UBE2D2: variants seen among roughly 807,000 people sequenced by gnomAD.
The protein encoded by UBE2D2 is ubiquitin-conjugating enzyme E2 D2.
Under a neutral mutation model 24.2 loss-of-function variants are expected in UBE2D2, and 2 were observed. That is an observed-to-expected ratio of 0.08 (90% CI 0.03 to 0.26). The LOEUF is 0.26. Among genes scored for constraint, UBE2D2 ranks in the 10% least tolerant of loss-of-function variants. The pLI is 1.00. For missense variants in UBE2D2, 44 were observed against 177.6 expected (o/e 0.25, Z 4.28); for synonymous variants, 58 against 56.5 (o/e 1.03, Z -0.12).
intron 2 of UBE2D2, among the ~76,000 whole-genome samples, chr5:139,608,857 G>A (rs1754252762): frequency 6.6e-6 from 1 of 152,114 alleles, no homozygotes; most frequent in South Asian, 2.1e-4. Flanking sequence ...GGCCAGGGTG[G>A]GTGGATCACC....
intron 1 of UBE2D2, among the ~76,000 whole-genome samples, chr5:139,583,534 G>C (rs555050561): frequency 6.6e-6 from 1 of 152,102 alleles, no homozygotes; most frequent in East Asian, 1.9e-4. Flanking sequence ...GGCTGAGGTG[G>C]GTGGATCACC....
intron 1 of UBE2D2, among the ~76,000 whole-genome samples, chr5:139,580,811 A>G (rs1429039998): frequency 6.6e-6 from 1 of 152,008 alleles, no homozygotes; most frequent in Non-Finnish European, 1.5e-5. Context: ...GTCTCAGCTC[A>G]CTCGGGATGC....
At chr5:139,542,746 T>A (rs1318554346) in intron 1 of UBE2D2, among the ~76,000 whole-genome samples, 1 of 152,152 alleles carries the variant, frequency 6.6e-6, no homozygotes, top group Non-Finnish European at 1.5e-5. Flanking sequence ...GGGATAAACA[T>A]AATAAATATC....
intron 2 of UBE2D2, among the ~76,000 whole-genome samples, chr5:139,610,189 G>C (rs970381563): frequency 2.6e-5 from 4 of 152,100 alleles, no homozygotes; most frequent in Non-Finnish European, 5.9e-5. Context: ...AAAATAGAGT[G>C]AATGAATGAA....
intron 1 of UBE2D2, among the ~76,000 whole-genome samples, chr5:139,564,863 T>C (rs951958472): frequency 6.6e-6 from 1 of 152,138 alleles, no homozygotes; most frequent in African/African-American, 2.4e-5. Context: ...ATAAGAAAAA[T>C]GAAGTTTATT....
chr5:139,547,028 C>G (rs1030221547), intron 1 of UBE2D2, among the ~76,000 whole-genome samples: 2 of 151,738 alleles, frequency 1.3e-5, no homozygotes, highest in Non-Finnish European at 2.9e-5. Context: ...AGGTGGCTCA[C>G]GCCTGTAATC....
At chr5:139,619,131 G>A (rs1754467830) in intron 5 of UBE2D2, among the ~76,000 whole-genome samples, 1 of 152,254 alleles carries the variant, frequency 6.6e-6, no homozygotes, top group East Asian at 1.9e-4. Flanking sequence ...CAGGCGCAGT[G>A]GCTCATGACT....
chr5:139,561,774 C>T lies in UBE2D2; in HGVS notation c.-18C>T, dbSNP rs1753104491. On this transcript the variant is annotated 5_prime_UTR_variant, in exon 1 of 7. Transcript: ENST00000398733. ...CCCCCGTCCCCGCCCCGGGGGCCGC[C>T]GCCACCCGCCTCCCACCATGGCTCT... 6.7e-7 allele frequency: 1 copy of T among 1,496,968 alleles called. No individual in the cohort carries two copies. The highest frequency in any genetic ancestry group is 8.8e-7 in the Non-Finnish European group (1 of 1,131,378). The allele number at this position is 1,496,968 out of a possible 1,614,324, so 92.7% of individuals were successfully genotyped here.
chr5:139,585,210 CTTTTT>C (rs561161810), intron 1 of UBE2D2, among the ~76,000 whole-genome samples: 3 of 137,246 alleles, frequency 2.2e-5, no homozygotes, highest in Admixed American at 1.5e-4. Context: ...GCGTGCAGGT[CTTTTT>C]TTTTTTTTTT....
At position 139,623,692 on chromosome 5, in the gene UBE2D2, T is replaced by G. The variant is rs115684605; in HGVS notation, c.398+231T>G. Reference sequence around the variant, plus strand: ...TCCTCTTGTCTACAAAAACTTTTTTTTTTGTTTGTTTTTTTTTGAGACAGG... The same window carrying G: ...TCCTCTTGTCTACAAAAACTTTTTTGTTTGTTTGTTTTTTTTTGAGACAGG... On this transcript the variant is annotated intron_variant, in intron 6 of 6. Transcript: ENST00000398733. 2,594 of 375,882 alleles carry G rather than the reference T, an allele frequency of 6.9e-3. 62 individuals carry two copies. The highest frequency in any genetic ancestry group is 0.047 in the African/African-American group (2,267 of 48,690). The allele number at this position is 375,882 out of a possible 1,614,324, so 23.3% of individuals were successfully genotyped here.
chr5:139,627,173 G>A lies in UBE2D2; in HGVS notation c.*372G>A. On this transcript the variant is annotated 3_prime_UTR_variant, in exon 7 of 7. Coordinates refer to ENST00000398733, the MANE Select transcript of UBE2D2 (RefSeq NM_003339.3). Reference sequence around the variant, plus strand: ...AAAGAAAAGGCTCCACTCACCTATAGGAGATTATTTTTAAGTGGAATCCAT... The same window carrying A: ...AAAGAAAAGGCTCCACTCACCTATAAGAGATTATTTTTAAGTGGAATCCAT... The A allele has an allele frequency of 5.9e-6, 1 of 168,700 alleles. No homozygotes were observed. The highest frequency in any genetic ancestry group is 1.6e-4 in the South Asian group (1 of 6,240). The allele number at this position is 168,700 out of a possible 1,614,324, so 10.5% of individuals were successfully genotyped here. A position where few individuals can be genotyped will look rare whatever the true frequency, so the allele number is the denominator to read the frequency against.
intron 2 of UBE2D2, among the ~76,000 whole-genome samples, chr5:139,600,848 G>T (rs12518658): frequency 6.6e-6 from 1 of 152,186 alleles, no homozygotes; most frequent in Non-Finnish European, 1.5e-5. Flanking sequence ...TCAAGCCCGG[G>T]CTGGAGTGCA....
At chr5:139,564,717 G>T in intron 1 of UBE2D2, among the ~76,000 whole-genome samples, 1 of 152,158 alleles carries the variant, frequency 6.6e-6, no homozygotes, top group East Asian at 1.9e-4. Flanking sequence ...GCCTCCCAAA[G>T]TGCTGGGATT....
intron 1 of UBE2D2, among the ~76,000 whole-genome samples, chr5:139,550,079 C>G (rs1417614379): frequency 6.6e-6 from 1 of 151,698 alleles, no homozygotes; most frequent in African/African-American, 2.4e-5. Context: ...TGCTCTGTGT[C>G]TAATCTAGTG....
At chr5:139,609,517 A>G (rs913424987) in intron 2 of UBE2D2, among the ~76,000 whole-genome samples, 4 of 146,242 alleles carry the variant, frequency 2.7e-5, no homozygotes, top group Admixed American at 6.9e-5. Context: ...ATTACAGGCA[A>G]TGCGCCACCA....
chr5:139,555,202 C>T (rs998014851), intron 1 of UBE2D2, among the ~76,000 whole-genome samples: 2 of 152,038 alleles, frequency 1.3e-5, no homozygotes, highest in African/African-American at 4.8e-5. Context: ...TGTGCCACCA[C>T]ACCTGGCTAA....
intron 1 of UBE2D2, among the ~76,000 whole-genome samples, chr5:139,577,327 A>G (rs1271437933): frequency 2.0e-5 from 3 of 152,034 alleles, no homozygotes; most frequent in Non-Finnish European, 2.9e-5. Flanking sequence ...CTTACTAAAA[A>G]TAGTTCATGC....
At chr5:139,570,127 C>A (rs968762007) in intron 1 of UBE2D2, among the ~76,000 whole-genome samples, 2 of 152,038 alleles carry the variant, frequency 1.3e-5, no homozygotes, top group Admixed American at 6.6e-5. Context: ...ATTAGCTGGG[C>A]ATGGTGATGT....
intron 1 of UBE2D2, among the ~76,000 whole-genome samples, chr5:139,570,014 G>T (rs570367259): frequency 1.3e-5 from 2 of 152,200 alleles, no homozygotes; most frequent in African/African-American, 4.8e-5. Flanking sequence ...TCCCAACACT[G>T]GGAGGCCAAG....
Sources: gnomAD v4.1 joint callset for allele counts (sites outside exome capture counted in the v4.1 genomes callset) on GRCh38, gnomAD v4.1.1 for gene constraint, MANE v1.5 for transcripts, NCBI Gene and HGNC (gene_info 2026-07-23, HGNC 2026-07-21) for gene names.